TM9SF3: variants seen among roughly 807,000 people sequenced by gnomAD.
TM9SF3 encodes the protein transmembrane 9 superfamily member 3.
TM9SF3 carries 14 observed loss-of-function variants against 78.6 expected under a neutral mutation model. The observed-to-expected ratio is 0.18, with a 90% confidence interval of 0.12 to 0.28. The LOEUF is 0.28. TM9SF3 is among the 10% of genes least tolerant of loss of function. The pLI, the probability that TM9SF3 is intolerant of heterozygous loss-of-function variation, is 1.00. For missense variants in TM9SF3, 496 were observed against 721.9 expected (o/e 0.69, Z 3.59); for synonymous variants, 231 against 241.7 (o/e 0.96, Z 0.41).
At chr10:96,584,675 T>C (rs1848609971) in intron 1 of TM9SF3, among the ~76,000 whole-genome samples, 1 of 151,998 alleles carries the variant, frequency 6.6e-6, no homozygotes, top group African/African-American at 2.4e-5. Flanking sequence ...ATTAGCTAAG[T>C]GTGGTGGCGC....
At position 96,527,500 on chromosome 10, in the gene TM9SF3, G is replaced by A. The variant is rs760117564; in HGVS notation, c.1542-4C>T. The A allele has an allele frequency of 4.4e-6, 7 of 1,603,994 alleles. No homozygotes were observed. The South Asian group carries it at 7.8e-5, about 18-fold the overall frequency. ...AGAGAGAAAACTTGTCCATTGCCTG[G>A]TGGGGGGAGGGGGAAAGAAGATAAA... On this transcript the variant is annotated splice_region_variant and splice_polypyrimidine_tract_variant and intron_variant, in intron 12 of 14. Coordinates refer to ENST00000371142, the MANE Select transcript of TM9SF3 (RefSeq NM_020123.4).
chr10:96,547,831 A>G (rs1848120139), intron 8 of TM9SF3, 64 bp downstream of exon 8: 2 of 1,417,496 alleles, frequency 1.4e-6, no homozygotes, highest in Admixed American at 1.8e-5. Flanking sequence ...ACAAACAAAA[A>G]AAATCTCATA....
intron 6 of TM9SF3, 113 bp downstream of exon 6, chr10:96,552,815 G>C (rs1848190223): frequency 1.9e-6 from 2 of 1,063,952 alleles, no homozygotes; most frequent in Non-Finnish European, 2.5e-6. Flanking sequence ...TAAAAATCCT[G>C]AATTGTGGAA....
intron 1 of TM9SF3, among the ~76,000 whole-genome samples, chr10:96,582,731 C>T (rs1322487792): frequency 6.6e-6 from 1 of 152,154 alleles, no homozygotes; most frequent in Non-Finnish European, 1.5e-5. Flanking sequence ...CTTTTCAACA[C>T]TCTTCAGAGA....
chr10:96,561,409 C>T, intron 4 of TM9SF3, among the ~76,000 whole-genome samples: 1 of 152,188 alleles, frequency 6.6e-6, no homozygotes, highest in Non-Finnish European at 1.5e-5. Flanking sequence ...GCAATGGACT[C>T]ATTCCAGCTA....
intron 14 of TM9SF3, among the ~76,000 whole-genome samples, chr10:96,526,627 T>TA (rs1278288218): frequency 6.6e-6 from 1 of 152,110 alleles, no homozygotes; most frequent in East Asian, 1.9e-4. Context: ...TACAGAAGCT[T>TA]AGAGAGCTTG....
chr10:96,575,857 C>T (rs941341990), intron 2 of TM9SF3, among the ~76,000 whole-genome samples: 1 of 152,056 alleles, frequency 6.6e-6, no homozygotes, highest in Non-Finnish European at 1.5e-5. Flanking sequence ...GTTCACCATG[C>T]TAAAAATGCC....
rs1374800212 is a variant in TM9SF3, at chr10:96,550,023, T to C, written c.959+1222A>G. Among the ~76,000 whole-genome samples, 3 of 152,196 alleles carry C rather than the reference T, an allele frequency of 2.0e-5. No individual in the cohort carries two copies. The East Asian group carries it at 5.8e-4, about 29-fold the overall frequency. ...TTGGTAGATGTGAAATGTTTTCTTA[T>C]ATTTAGGGTCCAGCTTATCTGAAAT... is the stretch of plus-strand genomic sequence containing the variant. On this transcript the variant is annotated intron_variant, in intron 7 of 14. Transcript: ENST00000371142.
At chr10:96,528,721 C>T (rs1205833186) in intron 11 of TM9SF3, among the ~76,000 whole-genome samples, 3 of 152,100 alleles carry the variant, frequency 2.0e-5, no homozygotes, top group Non-Finnish European at 2.9e-5. Context: ...ATTATCAAGT[C>T]ATCACTAAAT....
At chr10:96,573,186 T>G (rs1206952421) in intron 2 of TM9SF3, among the ~76,000 whole-genome samples, 1 of 152,238 alleles carries the variant, frequency 6.6e-6, no homozygotes, top group East Asian at 1.9e-4. Context: ...AATATTCCTA[T>G]AGTTCACAAG....
At chr10:96,529,493 A>C (rs10882811) in intron 11 of TM9SF3, among the ~76,000 whole-genome samples, 89,485 of 151,840 alleles carry the variant, frequency 0.59, 28,118 homozygotes, top group East Asian at 0.83. Flanking sequence ...CAAATGTACA[A>C]ATCTAGAAGG....
intron 4 of TM9SF3, among the ~76,000 whole-genome samples, chr10:96,561,427 A>C (rs1408282563): frequency 6.6e-6 from 1 of 152,204 alleles, no homozygotes; most frequent in Non-Finnish European, 1.5e-5. Context: ...CTATGAGGCA[A>C]TAACTGGCAG....
chr10:96,548,126 T>A (rs1251570636), intron 7 of TM9SF3, 137 bp from the exon 8 acceptor site: 1 of 558,738 alleles, frequency 1.8e-6, no homozygotes, highest in Non-Finnish European at 3.0e-6. Context: ...GGACTACAAA[T>A]AAAACTCAAA....
At chr10:96,527,930 C>T in intron 12 of TM9SF3, 101 bp downstream of exon 12, 2 of 1,184,478 alleles carry the variant, frequency 1.7e-6, no homozygotes, top group East Asian at 2.5e-5. Context: ...TAAGTAACAA[C>T]ATTTCTATAC....
chr10:96,549,486 C>G (rs888967403), intron 7 of TM9SF3, among the ~76,000 whole-genome samples: 17 of 152,106 alleles, frequency 1.1e-4, no homozygotes, highest in Non-Finnish European at 1.9e-4. Context: ...GATTATTTCT[C>G]TGAGCTTTAG....
intron 9 of TM9SF3, among the ~76,000 whole-genome samples, chr10:96,537,142 C>A (rs913623996): frequency 6.6e-6 from 1 of 152,192 alleles, no homozygotes; most frequent in Non-Finnish European, 1.5e-5. Context: ...GGGGTCAGCA[C>A]CCCAAACCTC....
intron 6 of TM9SF3, 86 bp from the exon 7 acceptor site, chr10:96,551,497 G>T: frequency 1.0e-6 from 1 of 1,003,262 alleles, no homozygotes; most frequent in Non-Finnish European, 1.4e-6. Context: ...ACAGTTGTAA[G>T]TTTCCTCCCT....
chr10:96,531,018 C>T (rs949110389), intron 10 of TM9SF3, among the ~76,000 whole-genome samples: 2 of 152,178 alleles, frequency 1.3e-5, no homozygotes, highest in Admixed American at 6.6e-5. Context: ...CAAATTGTGG[C>T]CTTGCCATCT....
chr10:96,565,258 A>C (rs1848355138), intron 3 of TM9SF3, 46 bp downstream of exon 3: 1 of 1,452,038 alleles, frequency 6.9e-7, no homozygotes, highest in South Asian at 1.6e-5. Context: ...ATAAATTCTG[A>C]TTATGCAAAT....
Sources: allele counts gnomAD v4.1 joint callset (sites outside exome capture counted in the v4.1 genomes callset), GRCh38; gene constraint gnomAD v4.1.1; transcripts MANE v1.5; gene names NCBI Gene and HGNC (gene_info 2026-07-23, HGNC 2026-07-21).